The following PCDH7 variants were observed in gnomAD, a reference collection of about 807,000 sequenced individuals.
PCDH7 encodes the protein protocadherin 7.
Under a neutral mutation model 58.9 loss-of-function variants are expected in PCDH7, and 17 were observed. That is an observed-to-expected ratio of 0.29 (90% CI 0.20 to 0.43). The LOEUF (loss-of-function observed/expected upper bound fraction) is 0.43. Ranked by LOEUF, PCDH7 falls within the 20% of genes least tolerant of loss-of-function variation. The pLI is 1.00. For synonymous variants in PCDH7, 664 were observed against 616.4 expected (o/e 1.08, Z -1.14); for missense variants, 1,274 against 1,441.0 (o/e 0.88, Z 1.88).
chr4:31,033,580 C>T (rs569294200), intron 3 of PCDH7, among the ~76,000 whole-genome samples: 22 of 152,118 alleles, frequency 1.4e-4, no homozygotes, highest in Non-Finnish European at 2.6e-4. Flanking sequence ...ACTCACTTCA[C>T]GATATAAAAA....
chr4:30,922,290 C>A (rs1457972792), intron 2 of PCDH7, among the ~76,000 whole-genome samples: 1 of 151,806 alleles, frequency 6.6e-6, no homozygotes, highest in South Asian at 2.1e-4. Flanking sequence ...CTGAGATTAC[C>A]TGTTCATGAG....
intron 1 of PCDH7, among the ~76,000 whole-genome samples, chr4:30,896,888 G>GTTTTTTT (rs1411830166): frequency 1.2e-4 from 2 of 17,368 alleles, no homozygotes; most frequent in African/African-American, 2.4e-4. Context: ...CTAGTTCTTT[G>GTTTTTTT]CTTTTTTTTT....
At chr4:30,913,229 G>A (rs1330511110) in intron 1 of PCDH7, among the ~76,000 whole-genome samples, 1 of 151,608 alleles carries the variant, frequency 6.6e-6, no homozygotes, top group African/African-American at 2.4e-5. Flanking sequence ...TTCCTCAAAT[G>A]TGCAGATTAT....
At chr4:30,802,999 C>A (rs1337666610) in intron 1 of PCDH7, among the ~76,000 whole-genome samples, 1 of 152,034 alleles carries the variant, frequency 6.6e-6, no homozygotes, top group African/African-American at 2.4e-5. Flanking sequence ...GGGAAGAAAT[C>A]AATTGCACCC....
At chr4:31,026,718 T>C (rs1324836991) in intron 3 of PCDH7, among the ~76,000 whole-genome samples, 4 of 152,092 alleles carry the variant, frequency 2.6e-5, no homozygotes, top group Admixed American at 2.6e-4. Flanking sequence ...ATTTTTGCCA[T>C]AGAAATATGT....
intron 3 of PCDH7, among the ~76,000 whole-genome samples, chr4:30,990,244 G>A (rs1227160231): frequency 2.6e-5 from 4 of 150,964 alleles, no homozygotes; most frequent in African/African-American, 9.7e-5. Context: ...CAAAGAAATT[G>A]AACAATGTGC....
intron 3 of PCDH7, among the ~76,000 whole-genome samples, chr4:31,139,003 A>C (rs868026773): frequency 6.6e-6 from 1 of 151,500 alleles, no homozygotes; most frequent in Non-Finnish European, 1.5e-5. Context: ...AAGAAAAAAA[A>C]CTCTACTTTC....
chr4:30,735,756 A>T (rs934108281), downstream of PCDH7, among the ~76,000 whole-genome samples: 2 of 152,156 alleles, frequency 1.3e-5, no homozygotes, highest in African/African-American at 4.8e-5. Flanking sequence ...TCAGCGAAGG[A>T]TGTTCAAGCC....
chr4:30,969,027 C>T (rs1032579627), intron 3 of PCDH7, among the ~76,000 whole-genome samples: 2 of 152,148 alleles, frequency 1.3e-5, no homozygotes, highest in African/African-American at 4.8e-5. Flanking sequence ...ACATTTTGTA[C>T]GTACTCTCGG....
In PCDH7 at chr4:30,951,476, G is replaced by A. The variant is rs1747363776; in HGVS notation, c.*7+1261G>A. Reference sequence around the variant, plus strand: ...CCTTTATATTTTGTTTTAACCTTGAGCACACACTGCACTCTGTGCTCTGCA... The same window carrying A: ...CCTTTATATTTTGTTTTAACCTTGAACACACACTGCACTCTGTGCTCTGCA... On this transcript the variant is annotated intron_variant, in intron 3 of 3. Coordinates refer to the PCDH7 transcript ENST00000509759. 2.0e-5 allele frequency among the ~76,000 whole-genome samples: 3 copies of A among 152,024 alleles called. No homozygotes were observed. The South Asian group carries it at 6.2e-4, about 32-fold the overall frequency.
intron 1 of PCDH7, among the ~76,000 whole-genome samples, chr4:30,867,110 T>C (rs1276922225): frequency 6.6e-6 from 1 of 152,068 alleles, no homozygotes; most frequent in Non-Finnish European, 1.5e-5. Flanking sequence ...ATTCAATTGG[T>C]ATGTCACCTC....
At chr4:30,837,041 C>T (rs1042561157) in intron 1 of PCDH7, among the ~76,000 whole-genome samples, 2 of 152,050 alleles carry the variant, frequency 1.3e-5, no homozygotes, top group Non-Finnish European at 2.9e-5. Context: ...AAAGAGAGTA[C>T]CACATGACAG....
intron 1 of PCDH7, among the ~76,000 whole-genome samples, chr4:30,859,735 G>A (rs924825916): frequency 3.3e-5 from 5 of 152,012 alleles, no homozygotes; most frequent in South Asian, 2.1e-4. Flanking sequence ...CCACCATGCC[G>A]GGCCAGCTCT....
chr4:30,900,785 C>A (rs1740108309), intron 1 of PCDH7, among the ~76,000 whole-genome samples: 1 of 152,046 alleles, frequency 6.6e-6, no homozygotes, highest in Non-Finnish European at 1.5e-5. Context: ...TGGGGAGTTC[C>A]TGGGCTTAAA....
intron 1 of PCDH7, among the ~76,000 whole-genome samples, chr4:30,810,880 G>A (rs145731480): frequency 0.01 from 1,560 of 152,270 alleles, 14 homozygotes; most frequent in South Asian, 0.021. Flanking sequence ...AACGTGCTGA[G>A]ATTACAGGTG....
chr4:30,913,487 G>A (rs116701738), intron 1 of PCDH7, among the ~76,000 whole-genome samples: 1,944 of 151,998 alleles, frequency 0.013, 9 homozygotes, highest in Non-Finnish European at 0.016. Context: ...TGTGGAGAGC[G>A]GGATAGAATT....
intron 1 of PCDH7, among the ~76,000 whole-genome samples, chr4:30,746,609 G>T (rs1313595577): frequency 1.3e-5 from 2 of 152,162 alleles, no homozygotes; most frequent in African/African-American, 4.8e-5. Flanking sequence ...CAGAATCTCT[G>T]TGTAATTCTC....
intron 1 of PCDH7, among the ~76,000 whole-genome samples, chr4:30,783,366 C>T (rs112117026): frequency 1.8e-4 from 27 of 152,188 alleles, no homozygotes; most frequent in African/African-American, 5.8e-4. Context: ...CCATACTCTG[C>T]GTTTTATGTC....
At chr4:30,925,432 C>T (rs1186321024) in intron 2 of PCDH7, among the ~76,000 whole-genome samples, 1 of 152,180 alleles carries the variant, frequency 6.6e-6, no homozygotes, top group African/African-American at 2.4e-5. Flanking sequence ...ACTTCTCTAG[C>T]AAGGCTGCCT....
Sources: allele counts gnomAD v4.1 joint callset (sites outside exome capture counted in the v4.1 genomes callset), GRCh38; gene constraint gnomAD v4.1.1; transcripts MANE v1.5; gene names NCBI Gene and HGNC (gene_info 2026-07-23, HGNC 2026-07-21).